Variants in OR51B5 observed in about 807,000 individuals in gnomAD.
OR51B5 encodes the protein olfactory receptor 51B5.
For missense variants in OR51B5, 456 were observed against 374.6 expected (o/e 1.22, Z -1.79); for synonymous variants, 186 against 144.8 (o/e 1.28, Z -2.04).
chr11:5,352,104 A>G (rs5006882), intron 1 of OR51B5: 413,652 of 1,613,126 alleles, frequency 0.26, 54,804 homozygotes, highest in African/African-American at 0.31. Flanking sequence ...ATCCAGTTGT[A>G]GTTTTATTTG....
intron 1 of OR51B5, chr11:5,454,109 T>C: frequency 6.2e-7 from 1 of 1,614,232 alleles, no homozygotes; most frequent in South Asian, 1.1e-5. Context: ...TATCCACCTT[T>C]GGCATGGACC....
At chr11:5,436,741 G>C (rs1013776179) in intron 1 of OR51B5, among the ~76,000 whole-genome samples, 1 of 152,220 alleles carries the variant, frequency 6.6e-6, no homozygotes, top group African/African-American at 2.4e-5. Flanking sequence ...ACAGAGGCAT[G>C]ATGAGAGAAT....
intron 1 of OR51B5, among the ~76,000 whole-genome samples, chr11:5,457,666 C>A (rs1225490675): frequency 6.6e-6 from 1 of 152,186 alleles, no homozygotes; most frequent in Non-Finnish European, 1.5e-5. Context: ...TCATTTCTCA[C>A]TGGTATGAGA....
chr11:5,505,382 C>G, intron 1 of OR51B5: 3 of 1,298,786 alleles, frequency 2.3e-6, no homozygotes, highest in Non-Finnish European at 3.0e-6. Context: ...AGAGGCAAGA[C>G]TTTCCTCTTC....
upstream of OR51B5, among the ~76,000 whole-genome samples, chr11:5,348,201 A>G (rs1273507175): frequency 6.6e-6 from 1 of 152,204 alleles, no homozygotes; most frequent in Non-Finnish European, 1.5e-5. Context: ...CTCTTCAAAT[A>G]TAAAAAAGTG....
chr11:5,476,496 C>CA (rs906514086), intron 1 of OR51B5, among the ~76,000 whole-genome samples: 8 of 152,104 alleles, frequency 5.3e-5, no homozygotes, highest in African/African-American at 1.4e-4. Flanking sequence ...TTTAGGTGCC[C>CA]AAAAAATAGT....
In OR51B5 at chr11:5,343,106, A is replaced by ACTACTCGAGTATTAGTAAG. The variant is rs1393688156; in HGVS notation, c.400_418dup (p.Val140AlafsTer3). The ACTACTCGAGTATTAGTAAG allele has an allele frequency of 6.2e-7, 1 of 1,613,406 alleles. No homozygotes were observed. On this transcript the variant is annotated stop_gained and frameshift_variant, in exon 1 of 1. Transcript: ENST00000300773. LOFTEE classifies it low-confidence loss of function (END_TRUNC). ...CATCAGAACTCCCAGCCCAATCTTCACTACTCGAGTATTAGTAAGTACAGA... is the reference window on the plus strand; with the variant it reads ...CATCAGAACTCCCAGCCCAATCTTCACTACTCGAGTATTAGTAAGCTACTCGAGTATTAGTAAGTACAGA...
intron 1 of OR51B5, among the ~76,000 whole-genome samples, chr11:5,349,743 G>T (rs1849047134): frequency 6.6e-6 from 1 of 152,176 alleles, no homozygotes; most frequent in South Asian, 2.1e-4. Flanking sequence ...CAGGCAGATT[G>T]AGCAATAATA....
chr11:5,460,911 T>C (rs1197895906), intron 1 of OR51B5, among the ~76,000 whole-genome samples: 5 of 152,222 alleles, frequency 3.3e-5, no homozygotes, highest in Admixed American at 3.3e-4. Flanking sequence ...AGCCTCTGGC[T>C]TTGTTTTCTG....
intron 1 of OR51B5, among the ~76,000 whole-genome samples, chr11:5,364,348 A>G (rs1013125718): frequency 6.6e-6 from 1 of 152,168 alleles, no homozygotes; most frequent in Non-Finnish European, 1.5e-5. Flanking sequence ...GAGGCAAGCC[A>G]AATGCAGAAA....
At chr11:5,447,991 A>C (rs1232425460) in intron 1 of OR51B5, among the ~76,000 whole-genome samples, 1 of 152,174 alleles carries the variant, frequency 6.6e-6, no homozygotes, top group Non-Finnish European at 1.5e-5. Context: ...ACCACTCCTC[A>C]AAGTCTGAGT....
At position 5,489,648 on chromosome 11, in the gene OR51B5, G is replaced by A. The variant is rs373206874; in HGVS notation, n.84+15921C>T. 6.8e-6 allele frequency: 11 copies of A among 1,611,502 alleles called. No homozygotes were observed. The South Asian group carries it at 1.2e-4, about 18-fold the overall frequency. ...GACTTCTAAAACTGCTTCACCTGGG[G>A]AAGACTTCAATATGAATGCTGAGCA... On this transcript the variant is annotated intron_variant and non_coding_transcript_variant, in intron 1 of 4. Coordinates refer to the OR51B5 transcript ENST00000415970.
chr11:5,395,142 A>G (rs1849848629), intron 1 of OR51B5, among the ~76,000 whole-genome samples: 1 of 152,182 alleles, frequency 6.6e-6, no homozygotes, highest in Non-Finnish European at 1.5e-5. Flanking sequence ...GTCTAGGAGG[A>G]TGCTAATCCC....
At chr11:5,462,161 C>T (rs145839573) in intron 1 of OR51B5, among the ~76,000 whole-genome samples, 9 of 152,232 alleles carry the variant, frequency 5.9e-5, no homozygotes, top group South Asian at 2.1e-4. Context: ...GTATGTTTCT[C>T]GTCCTCCAGG....
At chr11:5,346,721 T>C (rs1848997286), upstream of OR51B5, among the ~76,000 whole-genome samples, 1 of 148,854 alleles carries the variant, frequency 6.7e-6, no homozygotes, top group Non-Finnish European at 1.5e-5. Flanking sequence ...AGCTGTGGAC[T>C]ATTGAGATCC....
chr11:5,351,143 T>G (rs985941533), intron 1 of OR51B5, among the ~76,000 whole-genome samples: 1 of 152,188 alleles, frequency 6.6e-6, no homozygotes, highest in Non-Finnish European at 1.5e-5. Flanking sequence ...AAGTGACCTA[T>G]AAGTTTCAGG....
intron 1 of OR51B5, among the ~76,000 whole-genome samples, chr11:5,432,303 A>G (rs1313824282): frequency 2.0e-5 from 3 of 152,214 alleles, no homozygotes; most frequent in Non-Finnish European, 2.9e-5. Flanking sequence ...GAAAGACAGC[A>G]TAGCTTAAAA....
intron 1 of OR51B5, chr11:5,422,036 A>C: frequency 1.7e-6 from 1 of 605,294 alleles, no homozygotes; most frequent in Non-Finnish European, 2.9e-6. Flanking sequence ...TAAGGAAAGG[A>C]TATCATATAT....
intron 1 of OR51B5, among the ~76,000 whole-genome samples, chr11:5,401,363 G>A (rs904961664): frequency 8.5e-5 from 13 of 152,188 alleles, no homozygotes; most frequent in Admixed American, 4.6e-4. Flanking sequence ...ACACATCCAC[G>A]AACGTAGGTT....
Sources: allele counts gnomAD v4.1 joint callset (sites outside exome capture counted in the v4.1 genomes callset), GRCh38; gene constraint gnomAD v4.1.1; transcripts MANE v1.5; gene names NCBI Gene and HGNC (gene_info 2026-07-23, HGNC 2026-07-21).